Variants in WWOX observed in about 807,000 individuals in gnomAD.
WWOX encodes WW domain containing oxidoreductase, also known as WW domain-containing oxidoreductase.
A neutral mutation model predicts 46.2 loss-of-function variants in WWOX; 69 were observed. The ratio of observed to expected loss-of-function variants is 1.49; its 90% CI spans 1.23 to 1.82. The LOEUF (loss-of-function observed/expected upper bound fraction) is 1.82, where lower values mean the gene tolerates loss of function less well. Ranked by LOEUF, WWOX falls within the 40% of genes most tolerant of loss-of-function variation. The probability of loss-of-function intolerance (pLI) is 0.00; values close to 1 mark genes in which losing one functional copy is unlikely to be tolerated. For missense variants in WWOX, 919 were observed against 542.6 expected (o/e 1.69, Z -6.89); for synonymous variants, 359 against 202.6 (o/e 1.77, Z -6.56).
chr16:79,195,161 A>G (rs1166604285), intron 8 of WWOX, among the ~76,000 whole-genome samples: 3 of 152,066 alleles, frequency 2.0e-5, no homozygotes, highest in Non-Finnish European at 4.4e-5. Flanking sequence ...TAAGTCCCCC[A>G]GCTATTGTTT....
chr16:79,009,605 C>T (rs546060288), intron 8 of WWOX, among the ~76,000 whole-genome samples: 2 of 152,268 alleles, frequency 1.3e-5, no homozygotes, highest in African/African-American at 2.4e-5. Flanking sequence ...CACATGCCAC[C>T]ACACCTGACT....
intron 6 of WWOX, among the ~76,000 whole-genome samples, chr16:78,420,517 A>G (rs28634873): frequency 0.088 from 13,415 of 152,204 alleles, 1,703 homozygotes; most frequent in African/African-American, 0.28. Flanking sequence ...AGCCAGTCAC[A>G]AAAGACTACG....
chr16:78,580,313 T>C (rs559684610), intron 8 of WWOX, among the ~76,000 whole-genome samples: 5 of 152,094 alleles, frequency 3.3e-5, no homozygotes, highest in East Asian at 1.9e-4. Flanking sequence ...CAGTACAGTA[T>C]TGCACCTTCC....
intron 8 of WWOX, among the ~76,000 whole-genome samples, chr16:78,660,948 A>G (rs756230973): frequency 5.3e-5 from 8 of 152,224 alleles, no homozygotes; most frequent in Non-Finnish European, 1.2e-4. Flanking sequence ...ATAATATGCC[A>G]TCACATGGTG....
chr16:79,201,333 T>C (rs973993280), intron 8 of WWOX, among the ~76,000 whole-genome samples: 18 of 97,354 alleles, frequency 1.8e-4, no homozygotes, highest in Non-Finnish European at 3.9e-4. Flanking sequence ...GAGGGTTTCC[T>C]TTTTCTTTTC....
At chr16:78,797,711 G>C (rs1452146330) in intron 8 of WWOX, among the ~76,000 whole-genome samples, 3 of 152,230 alleles carry the variant, frequency 2.0e-5, no homozygotes, top group Admixed American at 6.5e-5. Flanking sequence ...CTGGAGGCCA[G>C]GTGCGTTAGG....
At chr16:79,170,267 G>A (rs1053106833) in intron 8 of WWOX, among the ~76,000 whole-genome samples, 1 of 152,178 alleles carries the variant, frequency 6.6e-6, no homozygotes, top group African/African-American at 2.4e-5. Flanking sequence ...AAAACTGATA[G>A]TGTCATCTCC....
At chr16:78,106,879 C>T (rs2032181059) in intron 1 of WWOX, among the ~76,000 whole-genome samples, 2 of 152,196 alleles carry the variant, frequency 1.3e-5, no homozygotes, top group South Asian at 2.1e-4. Context: ...TGTGAGGTGG[C>T]AGTAGCCCTG....
chr16:79,044,696 G>T (rs2048034125), intron 8 of WWOX, among the ~76,000 whole-genome samples: 1 of 152,182 alleles, frequency 6.6e-6, no homozygotes, highest in South Asian at 2.1e-4. Flanking sequence ...AGCAATGCAA[G>T]AATGGCCTAA....
intron 8 of WWOX, among the ~76,000 whole-genome samples, chr16:78,487,737 G>C (rs1162542704): frequency 6.6e-6 from 1 of 152,066 alleles, no homozygotes; most frequent in Non-Finnish European, 1.5e-5. Flanking sequence ...TGGCCTTCTG[G>C]GGAGTAAAAT....
At chr16:78,421,308 G>C (rs947525830) in intron 6 of WWOX, among the ~76,000 whole-genome samples, 4 of 152,040 alleles carry the variant, frequency 2.6e-5, no homozygotes, top group Non-Finnish European at 5.9e-5. Context: ...CTTTCTCCTA[G>C]CTTCCCATGA....
intron 5 of WWOX, among the ~76,000 whole-genome samples, chr16:78,364,143 C>T (rs1279422011): frequency 6.6e-6 from 1 of 152,190 alleles, no homozygotes; most frequent in Non-Finnish European, 1.5e-5. Context: ...CGTAACCCTC[C>T]TTTCCAGCGA....
At chr16:78,188,455 T>G (rs2035778186) in intron 5 of WWOX, among the ~76,000 whole-genome samples, 1 of 145,278 alleles carries the variant, frequency 6.9e-6, no homozygotes, top group Non-Finnish European at 1.5e-5. Flanking sequence ...GCCACTGCAC[T>G]CCAGCCTGGG....
chr16:79,029,268 G>A (rs528429787), intron 8 of WWOX, among the ~76,000 whole-genome samples: 4 of 152,262 alleles, frequency 2.6e-5, no homozygotes, highest in Admixed American at 6.5e-5. Flanking sequence ...GTTTTCACGC[G>A]GAAACTGGAT....
intron 8 of WWOX, among the ~76,000 whole-genome samples, chr16:79,080,392 AC>A (rs1597355907): frequency 6.6e-6 from 1 of 152,298 alleles, no homozygotes; most frequent in East Asian, 1.9e-4. Flanking sequence ...CATTATAGTC[AC>A]AACCATACCT....
intron 8 of WWOX, among the ~76,000 whole-genome samples, chr16:78,602,095 G>C (rs75781347): frequency 6.6e-6 from 1 of 152,196 alleles, no homozygotes; most frequent in Admixed American, 6.5e-5. Context: ...AAATGATTCT[G>C]TTGGGCTTAT....
intron 8 of WWOX, among the ~76,000 whole-genome samples, chr16:78,693,473 C>A (rs6564578): frequency 0.15 from 22,636 of 152,152 alleles, 4,688 homozygotes; most frequent in African/African-American, 0.47. Flanking sequence ...TTTTTTTCCA[C>A]ATAATCCCTA....
At chr16:78,301,928 C>A (rs1316496136) in intron 5 of WWOX, among the ~76,000 whole-genome samples, 2 of 151,558 alleles carry the variant, frequency 1.3e-5, no homozygotes, top group Non-Finnish European at 1.5e-5. Flanking sequence ...GTTTATACAT[C>A]AAAGTAACAT....
chr16:78,226,017 T>TA (rs928919313), intron 5 of WWOX, among the ~76,000 whole-genome samples: 48 of 152,228 alleles, frequency 3.2e-4, no homozygotes, highest in African/African-American at 9.4e-4. Context: ...TTCTGCATCT[T>TA]AAAAAAACAA....
Sources: gnomAD v4.1 joint callset for allele counts (sites outside exome capture counted in the v4.1 genomes callset) on GRCh38, gnomAD v4.1.1 for gene constraint, MANE v1.5 for transcripts, NCBI Gene and HGNC (gene_info 2026-07-23, HGNC 2026-07-21) for gene names.